Variants in WDR7 observed in about 807,000 individuals in gnomAD.
The protein encoded by WDR7 is WD repeat-containing protein 7.
Under a neutral mutation model 169.4 loss-of-function variants are expected in WDR7, and 46 were observed. The observed-to-expected ratio is 0.27, with a 90% CI of 0.21 to 0.35. The LOEUF is 0.35. Among genes scored for constraint, WDR7 ranks in the 10% least tolerant of loss-of-function variants. The probability of loss-of-function intolerance (pLI) is 1.00; values close to 1 mark genes in which losing one functional copy is unlikely to be tolerated. For missense variants in WDR7, 1,534 were observed against 1,859.3 expected, an observed-to-expected ratio of 0.83 and a Z score of 3.22; for synonymous variants, 612 against 666.8, an observed-to-expected ratio of 0.92 and a Z score of 1.27.
intron 12 of WDR7, among the ~76,000 whole-genome samples, chr18:56,713,142 C>T (rs1010782079): frequency 1.3e-5 from 2 of 152,070 alleles, no homozygotes; most frequent in Admixed American, 6.5e-5. Flanking sequence ...ATCTCTTCAT[C>T]GGCTATATTA....
chr18:56,930,872 A>G (rs2145671652), intron 22 of WDR7, among the ~76,000 whole-genome samples: 1 of 152,294 alleles, frequency 6.6e-6, no homozygotes, highest in East Asian at 1.9e-4. Flanking sequence ...TTAATTTGAC[A>G]GCTGATAAAG....
At chr18:56,741,572 G>T (rs1372334803) in intron 14 of WDR7, among the ~76,000 whole-genome samples, 1 of 152,190 alleles carries the variant, frequency 6.6e-6, no homozygotes, top group Non-Finnish European at 1.5e-5. Context: ...TATGTGGGTT[G>T]TGAGTGCATG....
intron 20 of WDR7, among the ~76,000 whole-genome samples, chr18:56,860,830 T>C (rs544985078): frequency 7.2e-5 from 11 of 152,248 alleles, no homozygotes; most frequent in African/African-American, 2.6e-4. Context: ...ATAATTCTTT[T>C]TCTGCCTCTT....
intron 19 of WDR7, among the ~76,000 whole-genome samples, chr18:56,803,439 TGAAA>T (rs1370627435): frequency 9.9e-5 from 15 of 152,282 alleles, no homozygotes; most frequent in African/African-American, 2.9e-4. Flanking sequence ...TTTTTGGCAG[TGAAA>T]GAAAATAAGA....
chr18:56,761,480 CTTTGAATTTCAA>C (rs2043980087), intron 16 of WDR7, among the ~76,000 whole-genome samples: 1 of 151,998 alleles, frequency 6.6e-6, no homozygotes, highest in Non-Finnish European at 1.5e-5. Flanking sequence ...TCTTTTGTCC[CTTTGAATTTCAA>C]TATAAATTTT....
At position 56,758,713 on chromosome 18, in the gene WDR7, C is replaced by A. The variant is rs1431201064; in HGVS notation, c.2760-152C>A. The A allele has an allele frequency of 5.2e-5, 28 of 541,970 alleles. No individual in the cohort carries two copies. In the East Asian group the frequency reaches 8.3e-4, roughly 16 times the overall value. 33.6% of individuals were successfully genotyped at this position (541,970 alleles called of 1,614,324 possible). On this transcript the variant is annotated intron_variant, in intron 15 of 27. Coordinates refer to ENST00000254442, the MANE Select transcript of WDR7 (RefSeq NM_015285.3). ...AATGGAAAACGTTAATAGGTCCAAA[C>A]CAAAAAAAATCTTTCTGGAATGGTA...
At chr18:57,034,861 C>G in the WDR7 span, 1 of 152,092 alleles carries the variant, frequency 6.6e-6, no homozygotes, top group Admixed American at 6.5e-5. Flanking sequence ...AGAGCTTCAT[C>G]TCCTACAGCC....
At chr18:56,904,881 G>A (rs936165227) in intron 21 of WDR7, among the ~76,000 whole-genome samples, 1 of 152,088 alleles carries the variant, frequency 6.6e-6, no homozygotes, top group Admixed American at 6.6e-5. Context: ...AAAACAGTGA[G>A]AGAACCATGG....
intron 26 of WDR7, among the ~76,000 whole-genome samples, chr18:56,975,640 A>G (rs929664293): frequency 6.6e-6 from 1 of 152,190 alleles, no homozygotes; most frequent in African/African-American, 2.4e-5. Flanking sequence ...TGATAGTACC[A>G]TCCCAGAAAT....
chr18:56,988,385 T>G (rs925140879), intron 26 of WDR7, among the ~76,000 whole-genome samples: 3 of 152,206 alleles, frequency 2.0e-5, no homozygotes, highest in African/African-American at 7.2e-5. Context: ...GACATTTCCT[T>G]GCCCACCTTC....
chr18:56,811,324 TTC>T, intron 19 of WDR7, among the ~76,000 whole-genome samples: 1 of 152,290 alleles, frequency 6.6e-6, no homozygotes, highest in Middle Eastern at 3.4e-3. Context: ...ATGTTTAACT[TTC>T]TGAGGAAATG....
chr18:57,025,554 A>G (rs1276337417), intron 27 of WDR7, among the ~76,000 whole-genome samples: 2 of 152,248 alleles, frequency 1.3e-5, no homozygotes, highest in African/African-American at 4.8e-5. Flanking sequence ...AGAGTTAACA[A>G]TAACCATACA....
intron 5 of WDR7, among the ~76,000 whole-genome samples, chr18:56,684,452 TG>T (rs1448559821): frequency 1.1e-4 from 17 of 152,340 alleles, no homozygotes; most frequent in African/African-American, 3.8e-4. Flanking sequence ...CATTAGTGAT[TG>T]AGCCTGGCTG....
intron 25 of WDR7, among the ~76,000 whole-genome samples, chr18:56,943,342 T>G (rs2047058386): frequency 6.6e-6 from 1 of 151,748 alleles, no homozygotes; most frequent in African/African-American, 2.4e-5. Context: ...AGTTTTGTAT[T>G]CTTTTTTTTT....
At chr18:56,786,861 T>G (rs1268075726) in intron 19 of WDR7, among the ~76,000 whole-genome samples, 1 of 151,822 alleles carries the variant, frequency 6.6e-6, no homozygotes, top group Non-Finnish European at 1.5e-5. Context: ...AAACACTTTT[T>G]AAAAATTTTA....
chr18:56,816,186 G>C (rs2145216141), intron 20 of WDR7, 42 bp downstream of exon 20: 1 of 1,536,762 alleles, frequency 6.5e-7, no homozygotes, highest in South Asian at 1.2e-5. Context: ...AGCTTTGTTT[G>C]ATATTGCAAA....
chr18:56,963,572 T>G (rs2047364527), intron 26 of WDR7, among the ~76,000 whole-genome samples: 1 of 152,202 alleles, frequency 6.6e-6, no homozygotes, highest in South Asian at 2.1e-4. Context: ...TTAAACAGCT[T>G]TCTTTGTTCA....
chr18:56,718,097 C>G lies in WDR7; in HGVS notation c.1712C>G (p.Ser571Cys). The G allele has an allele frequency of 6.2e-7, 1 of 1,614,108 alleles. No homozygotes were observed. Among genetic ancestry groups the G allele is most frequent in the Non-Finnish European group, 8.5e-7 (1 of 1,180,008 alleles). ...ATTCAAGTAATCAAATGGAGGCCTT[C>G]TGATGATTACCTGGTGGTGGGGTGT... ...FPIQVIKWRP[S>C]DDYLVVGCSD... is the part of the protein sequence containing the mutation. The change falls in exon 13 of 28, where the codon TCT (serine) becomes TGT (cysteine). Residue 571 changes from serine (S) to cysteine (C), a missense_variant. By Grantham distance (112) the Ser-to-Cys change is moderately radical (BLOSUM62 -1). Coordinates refer to ENST00000254442, the MANE Select transcript of WDR7 (RefSeq NM_015285.3).
At chr18:56,749,790 A>G (rs1037769156) in intron 14 of WDR7, among the ~76,000 whole-genome samples, 6 of 152,046 alleles carry the variant, frequency 3.9e-5, no homozygotes, top group Middle Eastern at 3.2e-3. Flanking sequence ...TCTTTGTCAC[A>G]GGATAAAATG....
Sources: gnomAD v4.1 joint callset for allele counts (sites outside exome capture counted in the v4.1 genomes callset) on GRCh38, gnomAD v4.1.1 for gene constraint, MANE v1.5 for transcripts, NCBI Gene and HGNC (gene_info 2026-07-23, HGNC 2026-07-21) for gene names.